REV3L: variants seen among roughly 807,000 people sequenced by gnomAD.
REV3L encodes DNA polymerase zeta catalytic subunit.
A neutral mutation model predicts 299.4 loss-of-function variants in REV3L; 69 were observed. That is an observed-to-expected ratio of 0.23 (90% CI 0.19 to 0.28). The LOEUF is 0.28. REV3L is among the 10% of genes least tolerant of loss of function. REV3L has a pLI of 1.00. For synonymous variants in REV3L, 1,238 were observed against 1,271.4 expected (o/e 0.97, Z 0.56); for missense variants, 3,128 against 3,693.8 (o/e 0.85, Z 3.97).
At chr6:111,463,551 T>C (rs888051142) in intron 1 of REV3L, among the ~76,000 whole-genome samples, 1 of 152,146 alleles carries the variant, frequency 6.6e-6, no homozygotes, top group Non-Finnish European at 1.5e-5. Context: ...GGAGGGAAAA[T>C]ATACTTCTTA....
intron 1 of REV3L, among the ~76,000 whole-genome samples, chr6:111,457,694 C>T (rs1162746879): frequency 6.6e-6 from 1 of 151,450 alleles, no homozygotes. Context: ...CAGAACAAAG[C>T]ATACAAGAGC....
chr6:111,332,164 C>CG (rs1562134580), intron 23 of REV3L, among the ~76,000 whole-genome samples: 1 of 152,050 alleles, frequency 6.6e-6, no homozygotes, highest in Admixed American at 6.6e-5. Context: ...CTCCGCCTCC[C>CG]GGGTTCATGC....
At chr6:111,302,697 G>T (rs1222804421) in intron 31 of REV3L, among the ~76,000 whole-genome samples, 1 of 152,140 alleles carries the variant, frequency 6.6e-6, no homozygotes, top group Non-Finnish European at 1.5e-5. Context: ...CTGAGGTCAG[G>T]AGTTTGAGAC....
intron 1 of REV3L, among the ~76,000 whole-genome samples, chr6:111,470,180 A>T (rs1792014894): frequency 2.0e-4 from 1 of 5,050 alleles, no homozygotes; most frequent in Admixed American, 2.0e-3. Flanking sequence ...TCTCTCACAC[A>T]CACACACACA....
intron 26 of REV3L, among the ~76,000 whole-genome samples, chr6:111,316,329 T>C (rs1773512834): frequency 6.6e-6 from 1 of 151,784 alleles, no homozygotes; most frequent in South Asian, 2.1e-4. Context: ...ACTTGTGATA[T>C]GGGAGAAGTT....
chr6:111,457,190 G>T (rs1290581774), intron 1 of REV3L, among the ~76,000 whole-genome samples: 1 of 151,844 alleles, frequency 6.6e-6, no homozygotes, highest in Non-Finnish European at 1.5e-5. Flanking sequence ...TTATAGGAGA[G>T]AAAAATAAAA....
At chr6:111,436,699 G>A (rs913632059) in intron 1 of REV3L, among the ~76,000 whole-genome samples, 1 of 152,066 alleles carries the variant, frequency 6.6e-6, no homozygotes, top group African/African-American at 2.4e-5. Context: ...GAAGAAACAA[G>A]ACCTAGTGTT....
At chr6:111,451,700 T>A (rs1247250460) in intron 1 of REV3L, among the ~76,000 whole-genome samples, 4 of 152,098 alleles carry the variant, frequency 2.6e-5, no homozygotes, top group African/African-American at 4.8e-5. Context: ...TTAATACTTC[T>A]AAAAAGTACC....
At chr6:111,409,897 T>C (rs1045974932) in intron 3 of REV3L, among the ~76,000 whole-genome samples, 3 of 152,220 alleles carry the variant, frequency 2.0e-5, no homozygotes, top group South Asian at 2.1e-4. Flanking sequence ...TTTTTGCTTA[T>C]ATATTTGGGT....
At chr6:111,477,560 G>A (rs1793085376) in intron 1 of REV3L, among the ~76,000 whole-genome samples, 1 of 152,148 alleles carries the variant, frequency 6.6e-6, no homozygotes, top group Non-Finnish European at 1.5e-5. Context: ...GAAGGAGCAT[G>A]GCAAGAACAA....
At position 111,367,139 on chromosome 6, in the gene REV3L, G is replaced by A; in HGVS notation, c.6649C>T (p.Pro2217Ser). The A allele has an allele frequency of 6.2e-7, 1 of 1,602,758 alleles. No individual in the cohort carries two copies. The highest frequency in any genetic ancestry group is 8.5e-7 in the Non-Finnish European group (1 of 1,175,918). The change falls in exon 14 of 32, where the codon CCT (proline) becomes TCT (serine). Residue 2217 changes from proline to serine, a missense_variant. This residue lies in a region of REV3L where 2,409 missense variants were observed against 2,611.8 expected (regional missense o/e 0.92). Transcript: ENST00000368802. Reference protein sequence around the residue: ...RKLLERLPEAPGLSPLSTEPK... With the variant: ...RKLLERLPEASGLSPLSTEPK... ...CCTGTTGATAATGGGCTAAGGCCAG[G>A]TGCTTCAGGAAGCCTTTCCAGAAGT...
At chr6:111,467,301 C>T (rs1791626831) in intron 1 of REV3L, among the ~76,000 whole-genome samples, 2 of 152,224 alleles carry the variant, frequency 1.3e-5, no homozygotes, top group South Asian at 2.1e-4. Context: ...GTCTCTGCCA[C>T]CTTCTTCCTG....
intron 26 of REV3L, among the ~76,000 whole-genome samples, chr6:111,319,693 CT>C (rs1368441195): frequency 5.3e-5 from 8 of 152,138 alleles, no homozygotes; most frequent in Non-Finnish European, 1.0e-4. Flanking sequence ...TTACCTTCGT[CT>C]ATCAGATTTC....
intron 3 of REV3L, 124 bp downstream of exon 3, chr6:111,411,356 T>G: frequency 1.5e-6 from 1 of 656,858 alleles, no homozygotes; most frequent in Non-Finnish European, 2.7e-6. Context: ...CACGTACATG[T>G]GTATTTTACG....
At position 111,376,697 on chromosome 6, in the gene REV3L, A is replaced by G. The variant is rs140709825; in HGVS notation, c.1658T>C (p.Leu553Pro). 4.4e-5 allele frequency: 71 copies of G among 1,606,124 alleles called. No homozygotes were observed. In the African/African-American group the frequency reaches 8.6e-4, roughly 19 times the overall value. The change falls in exon 13 of 32, where the codon CTT (leucine) becomes CCT (proline). Residue 553 changes from leucine to proline, a missense_variant. By Grantham distance (98) the Leu-to-Pro change is moderately conservative. Coordinates refer to ENST00000368802, the MANE Select transcript of REV3L (RefSeq NM_001372078.1). ...THSSVIATSK[L>P]SVKPSIFHKD... is the part of the protein sequence containing the mutation. ...GTGAAAGATGGAGGGTTTAACTGAA[A>G]GCTTGCTTGTTGCAATTACAGAAGA...
At chr6:111,357,245 TAAG>T in intron 17 of REV3L, 120 bp from the exon 18 acceptor site, 1 of 342,878 alleles carries the variant, frequency 2.9e-6, no homozygotes, top group Non-Finnish European at 5.2e-6. Context: ...TATTTCAAAT[TAAG>T]AAAACATCTC....
chr6:111,389,507 C>T (rs1047987192), intron 6 of REV3L, among the ~76,000 whole-genome samples: 1 of 152,070 alleles, frequency 6.6e-6, no homozygotes, highest in Non-Finnish European at 1.5e-5. Context: ...AGGCACAGTA[C>T]ATTAAATTGC....
chr6:111,352,620 G>T (rs954394823), intron 18 of REV3L, among the ~76,000 whole-genome samples: 1 of 152,096 alleles, frequency 6.6e-6, no homozygotes, highest in East Asian at 1.9e-4. Context: ...GTAATTATTT[G>T]GTTCTCACAC....
intron 17 of REV3L, 45 bp downstream of exon 17, chr6:111,358,777 C>A: frequency 7.1e-7 from 1 of 1,412,754 alleles, no homozygotes; most frequent in Non-Finnish European, 9.7e-7. Context: ...TTAAAACATT[C>A]ACCCTAGAGT....
Sources: allele counts gnomAD v4.1 joint callset (sites outside exome capture counted in the v4.1 genomes callset), GRCh38; gene constraint gnomAD v4.1.1; regional missense constraint gnomAD v4.1.1; transcripts MANE v1.5; gene names NCBI Gene and HGNC (gene_info 2026-07-23, HGNC 2026-07-21).